Variants in TACR1 observed in about 807,000 individuals in gnomAD.
TACR1 encodes the protein substance-P receptor.
In TACR1, 25 loss-of-function variants were observed where a neutral mutation model predicts 35.8. The observed-to-expected ratio is 0.70, with a 90% CI of 0.51 to 0.98. TACR1 has a LOEUF of 0.98. TACR1 is among the 50% of genes least tolerant of loss of function. TACR1 has a pLI of 0.00. For missense variants in TACR1, 478 were observed against 522.9 expected, an observed-to-expected ratio of 0.91 and a Z score of 0.84; for synonymous variants, 195 against 206.7, an observed-to-expected ratio of 0.94 and a Z score of 0.48.
chr2:75,085,843 C>T (rs1192608801), intron 2 of TACR1, among the ~76,000 whole-genome samples: 4 of 152,188 alleles, frequency 2.6e-5, no homozygotes, highest in African/African-American at 9.7e-5. Flanking sequence ...CAGATTTCCT[C>T]ATTCCATAAA....
intron 1 of TACR1, among the ~76,000 whole-genome samples, chr2:75,177,781 A>T (rs1378741337): frequency 3.3e-5 from 5 of 152,190 alleles, no homozygotes; most frequent in African/African-American, 1.2e-4. Context: ...GCCATACGTT[A>T]TGTTGACTGA....
chr2:75,162,847 G>A (rs768883509), intron 1 of TACR1, among the ~76,000 whole-genome samples: 19 of 152,162 alleles, frequency 1.2e-4, no homozygotes, highest in Non-Finnish European at 2.2e-4. Flanking sequence ...TTCCATGCTA[G>A]AATCCCAGTT....
intron 2 of TACR1, among the ~76,000 whole-genome samples, chr2:75,077,121 C>T (rs1672996127): frequency 6.6e-6 from 1 of 152,118 alleles, no homozygotes; most frequent in East Asian, 1.9e-4. Flanking sequence ...CAGGCATGTG[C>T]CACCATGCCT....
chr2:75,092,406 G>T (rs1269127046), intron 2 of TACR1, among the ~76,000 whole-genome samples: 3 of 151,992 alleles, frequency 2.0e-5, no homozygotes, highest in South Asian at 2.1e-4. Flanking sequence ...CTCTCTTTGG[G>T]CAGTCTTTGG....
intron 2 of TACR1, among the ~76,000 whole-genome samples, chr2:75,058,942 CT>C (rs1672620713): frequency 6.6e-6 from 1 of 152,172 alleles, no homozygotes; most frequent in Non-Finnish European, 1.5e-5. Context: ...AACTAGGTGT[CT>C]TCATAATGTA....
chr2:75,112,130 T>TG (rs1673763202), intron 2 of TACR1, among the ~76,000 whole-genome samples: 1 of 152,008 alleles, frequency 6.6e-6, no homozygotes, highest in African/African-American at 2.4e-5. Flanking sequence ...AAATTTGACA[T>TG]GCTATCTTTA....
intron 2 of TACR1, among the ~76,000 whole-genome samples, chr2:75,088,086 G>T (rs1169030575): frequency 6.6e-6 from 1 of 152,186 alleles, no homozygotes; most frequent in East Asian, 1.9e-4. Context: ...GATCTTGTTA[G>T]CTGAAAACTA....
At position 75,162,114 on chromosome 2, in the gene TACR1, A is replaced by G. The variant is rs545897189; in HGVS notation, c.389+36432T>C. ...GGAAATGTTGGAAACCTTCCAATTA[A>G]TATCACTCAGGAGCGTATTGAAAAT... is the stretch of plus-strand genomic sequence containing the variant. On this transcript the variant is annotated intron_variant, in intron 1 of 4. Coordinates refer to ENST00000305249, the MANE Select transcript of TACR1 (RefSeq NM_001058.4). Among the ~76,000 whole-genome samples, 4 of 152,002 alleles carry G rather than the reference A, an allele frequency of 2.6e-5. No homozygotes were observed. In the South Asian group the frequency reaches 8.3e-4, roughly 32 times the overall value.
intron 1 of TACR1, among the ~76,000 whole-genome samples, chr2:75,148,782 A>G (rs539067284): frequency 6.6e-6 from 1 of 152,286 alleles, no homozygotes; most frequent in South Asian, 2.1e-4. Context: ...TGTTTTCATC[A>G]TGAAATCTTT....
At chr2:75,191,108 C>T (rs1675834254) in intron 1 of TACR1, among the ~76,000 whole-genome samples, 1 of 152,182 alleles carries the variant, frequency 6.6e-6, no homozygotes, top group Non-Finnish European at 1.5e-5. Context: ...ATTTCCCCTT[C>T]CACTGAGGTG....
intron 4 of TACR1, among the ~76,000 whole-genome samples, chr2:75,050,248 C>T (rs994373973): frequency 6.6e-6 from 1 of 152,142 alleles, no homozygotes. Context: ...TGCTGCTAGA[C>T]TTAACCTAAA....
intron 2 of TACR1, among the ~76,000 whole-genome samples, chr2:75,077,015 G>T (rs1395021863): frequency 1.3e-5 from 2 of 152,118 alleles, no homozygotes; most frequent in African/African-American, 4.8e-5. Flanking sequence ...TTGTTGCCCA[G>T]GCTGGAGTGC....
chr2:75,162,696 TG>T (rs1165495454), intron 1 of TACR1, among the ~76,000 whole-genome samples: 4 of 152,264 alleles, frequency 2.6e-5, no homozygotes, highest in Non-Finnish European at 5.9e-5. Flanking sequence ...AGCAATTTTT[TG>T]TGCAGTATTT....
At chr2:75,189,078 A>C (rs1332998785) in intron 1 of TACR1, 13 of 152,218 alleles carry the variant, frequency 8.5e-5, no homozygotes, top group Admixed American at 7.9e-4. Context: ...TCAGGTAGAT[A>C]AAGGATGCAA....
intron 1 of TACR1, among the ~76,000 whole-genome samples, chr2:75,150,561 A>G (rs1300000880): frequency 1.3e-5 from 2 of 152,108 alleles, no homozygotes; most frequent in Non-Finnish European, 2.9e-5. Context: ...ATCTCCTGCC[A>G]TGATTGTGAG....
chr2:75,121,262 G>C (rs1303302411), intron 1 of TACR1, among the ~76,000 whole-genome samples: 2 of 152,188 alleles, frequency 1.3e-5, no homozygotes, highest in Non-Finnish European at 2.9e-5. Context: ...ACATGTCTCT[G>C]TGACAAAGCA....
At chr2:75,101,055 GAA>G (rs1460832861) in intron 2 of TACR1, among the ~76,000 whole-genome samples, 1 of 150,520 alleles carries the variant, frequency 6.6e-6, no homozygotes, top group African/African-American at 2.4e-5. Context: ...AAAAAAAAAA[GAA>G]TGATGAATAA....
intron 1 of TACR1, among the ~76,000 whole-genome samples, chr2:75,132,237 T>G (rs573955995): frequency 6.6e-6 from 1 of 152,312 alleles, no homozygotes; most frequent in South Asian, 2.1e-4. Context: ...GGCAAAACAC[T>G]AAAATGAAAC....
intron 2 of TACR1, among the ~76,000 whole-genome samples, chr2:75,077,252 G>A (rs1672998938): frequency 6.6e-6 from 1 of 152,318 alleles, no homozygotes; most frequent in Middle Eastern, 3.4e-3. Flanking sequence ...TTACAGGCGT[G>A]AGCCACCGCA....
Sources: gnomAD v4.1 joint callset for allele counts (sites outside exome capture counted in the v4.1 genomes callset) on GRCh38, gnomAD v4.1.1 for gene constraint, MANE v1.5 for transcripts, NCBI Gene and HGNC (gene_info 2026-07-23, HGNC 2026-07-21) for gene names.